OSBPL9: variants seen among roughly 807,000 people sequenced by gnomAD.
OSBPL9 encodes the protein oxysterol binding protein like 9.
A neutral mutation model predicts 106.6 loss-of-function variants in OSBPL9; 40 were observed. That is an observed-to-expected ratio of 0.38 (90% confidence interval 0.29 to 0.49). OSBPL9 has a LOEUF of 0.49. Ranked by LOEUF, OSBPL9 falls within the 20% of genes least tolerant of loss-of-function variation. The pLI, the probability that OSBPL9 is intolerant of heterozygous loss-of-function variation, is 0.97. For missense variants in OSBPL9, 609 were observed against 887.2 expected (o/e 0.69, Z 3.98); for synonymous variants, 269 against 295.4 (o/e 0.91, Z 0.92).
chr1:51,703,830 G>A (rs1053025326), intron 3 of OSBPL9, among the ~76,000 whole-genome samples: 1 of 152,304 alleles, frequency 6.6e-6, no homozygotes, highest in South Asian at 2.1e-4. Context: ...AATTTATTGA[G>A]AGTTTTTAGC....
At chr1:51,664,649 G>C (rs1557659427) in intron 2 of OSBPL9, among the ~76,000 whole-genome samples, 1 of 152,128 alleles carries the variant, frequency 6.6e-6, no homozygotes, top group Non-Finnish European at 1.5e-5. Flanking sequence ...CTGAGATCAT[G>C]CCACTGCAGT....
intron 1 of OSBPL9, among the ~76,000 whole-genome samples, chr1:51,651,533 G>A (rs1201152942): frequency 6.6e-6 from 1 of 152,036 alleles, no homozygotes; most frequent in East Asian, 1.9e-4. Context: ...AACCCAGGAG[G>A]CGGAGGTTGC....
intron 4 of OSBPL9, among the ~76,000 whole-genome samples, chr1:51,726,016 A>T (rs577785772): frequency 5.4e-4 from 83 of 152,338 alleles, no homozygotes; most frequent in African/African-American, 1.7e-3. Context: ...TAACATAAAC[A>T]GTTGATTAAT....
chr1:51,772,699 T>G lies in OSBPL9; in HGVS notation c.1146T>G (p.Val382=). The change falls in exon 14 of 24, where the codon GTT becomes GTG. Residue 382 remains valine (V), a synonymous_variant. Transcript: ENST00000428468. ...TTATCATGCATCTCTTGTCGCAGGTTAGACTTGGAATGGATCTTACTAAGG... is the reference window on the plus strand; with the variant it reads ...TTATCATGCATCTCTTGTCGCAGGTGAGACTTGGAATGGATCTTACTAAGG... ...KSVIMHLLSQ[V]RLGMDLTKVV... The G allele has an allele frequency of 6.2e-7, 1 of 1,614,152 alleles. No homozygotes were observed. Among genetic ancestry groups the G allele is most frequent in the Non-Finnish European group, 8.5e-7 (1 of 1,180,000 alleles).
intron 3 of OSBPL9, among the ~76,000 whole-genome samples, chr1:51,696,478 A>G (rs566593125): frequency 6.6e-6 from 1 of 152,360 alleles, no homozygotes; most frequent in Non-Finnish European, 1.5e-5. Context: ...TCTCCAGCTT[A>G]AATCACTGCA....
the OSBPL9 span, among the ~76,000 whole-genome samples, chr1:51,543,705 G>C: frequency 6.6e-6 from 1 of 152,162 alleles, no homozygotes; most frequent in Non-Finnish European, 1.5e-5. Flanking sequence ...TCAACTTTGA[G>C]GCTCAGAGAG....
intron 3 of OSBPL9, among the ~76,000 whole-genome samples, chr1:51,674,427 C>T (rs986703894): frequency 1.3e-5 from 2 of 152,102 alleles, no homozygotes; most frequent in Non-Finnish European, 2.9e-5. Context: ...AGCCATTGTG[C>T]CTCACTGTCA....
At chr1:51,760,554 T>A in intron 9 of OSBPL9, 136 bp from the exon 10 acceptor site, 1 of 1,280,474 alleles carries the variant, frequency 7.8e-7, no homozygotes, top group Non-Finnish European at 1.1e-6. Flanking sequence ...AGGTGTTTCA[T>A]TCCCTCTTTT....
chr1:51,576,672 C>T (rs773547005), upstream of OSBPL9, among the ~76,000 whole-genome samples: 3 of 152,068 alleles, frequency 2.0e-5, no homozygotes, highest in Non-Finnish European at 4.4e-5. Flanking sequence ...GGACCACAAG[C>T]ATGCCACTAC....
rs1341788850 is a variant in OSBPL9, at chr1:51,788,854, C to A, written c.*1065C>A. On this transcript the variant is annotated 3_prime_UTR_variant, in exon 24 of 24. Transcript: ENST00000428468. The stretch of plus-strand genomic sequence containing the variant: ...TACAGAACTATATCTATCTATCTAT[C>A]TATCATCTTTTTTATTTAAAAATAC... Among the ~76,000 whole-genome samples the A allele has an allele frequency of 1.3e-5, 2 of 151,378 alleles. No homozygotes were observed. The highest frequency in any genetic ancestry group is 4.9e-5 in the African/African-American group (2 of 40,864).
the OSBPL9 span, among the ~76,000 whole-genome samples, chr1:51,533,319 TA>T: frequency 6.6e-6 from 1 of 150,738 alleles, no homozygotes; most frequent in Non-Finnish European, 1.5e-5. Flanking sequence ...CCATCTCTAC[TA>T]AAAAAAATAC....
intron 11 of OSBPL9, among the ~76,000 whole-genome samples, chr1:51,764,902 C>G (rs1047395075): frequency 6.6e-6 from 1 of 152,160 alleles, no homozygotes; most frequent in Non-Finnish European, 1.5e-5. Flanking sequence ...ATTTTTATTG[C>G]TGTCTTCAAT....
chr1:51,519,221 G>T, the OSBPL9 span: 1 of 1,393,368 alleles, frequency 7.2e-7, no homozygotes, highest in Non-Finnish European at 9.4e-7. Context: ...GAGCTGGGCC[G>T]CCGCAGCCAT....
In OSBPL9 at chr1:51,729,807, TG is replaced by T. The variant is rs910079155; in HGVS notation, c.319-15723del. The stretch of plus-strand genomic sequence containing the variant: ...CGCCGGGGAGGGGACGGGAAAGGGG[TG>T]GGGGGTGAAGGGGGTGAAGGGGGTG... On this transcript the variant is annotated intron_variant, in intron 4 of 23. Coordinates refer to ENST00000428468, the MANE Select transcript of OSBPL9 (RefSeq NM_024586.6). This position sits in a 1 kb window ranked among gnomAD's most constrained non-coding sequence, Gnocchi z 5.1. 2 of 1,041,768 alleles carry T rather than the reference TG, an allele frequency of 1.9e-6. No individual in the cohort carries two copies. Among genetic ancestry groups the T allele is most frequent in the East Asian group, 3.5e-5 (1 of 28,638 alleles). 64.5% of individuals were successfully genotyped at this position (1,041,768 alleles called of 1,614,324 possible). A position where few individuals can be genotyped will look rare whatever the true frequency, so the allele number is the denominator to read the frequency against.
At chr1:51,773,940 G>A (rs1009409004) in intron 14 of OSBPL9, among the ~76,000 whole-genome samples, 4 of 84,524 alleles carry the variant, frequency 4.7e-5, no homozygotes, top group Non-Finnish European at 9.7e-5. Context: ...ACAGCTGCTG[G>A]CGTTGTTGTT....
chr1:51,555,672 A>G, the OSBPL9 span, among the ~76,000 whole-genome samples: 1 of 151,882 alleles, frequency 6.6e-6, no homozygotes, highest in Non-Finnish European at 1.5e-5. Context: ...GGTTCAAGTG[A>G]TTCTCCTGCC....
rs183642827 is a variant in OSBPL9, at chr1:51,644,230, A to G, written c.112-7761A>G. On this transcript the variant is annotated intron_variant, in intron 1 of 23. Coordinates refer to ENST00000428468, the MANE Select transcript of OSBPL9 (RefSeq NM_024586.6). The stretch of plus-strand genomic sequence containing the variant: ...TTTTTCCCTTATGACCTCATGAAAG[A>G]AGATTTGAGAGCTTTTATGAGACAG... Among the ~76,000 whole-genome samples the G allele has an allele frequency of 5.0e-3, 765 of 152,168 alleles. 4 individuals are homozygous for G. Among genetic ancestry groups the G allele is most frequent in the Non-Finnish European group, 6.3e-3 (425 of 67,970 alleles).
chr1:51,641,474 G>T (rs1645789463), intron 1 of OSBPL9, among the ~76,000 whole-genome samples: 4 of 152,186 alleles, frequency 2.6e-5, no homozygotes, highest in Admixed American at 2.6e-4. Context: ...GTAAGCCATA[G>T]AAGGATATTT....
At chr1:51,639,368 A>G (rs1479197583) in intron 1 of OSBPL9, among the ~76,000 whole-genome samples, 1 of 152,222 alleles carries the variant, frequency 6.6e-6, no homozygotes, top group African/African-American at 2.4e-5. Flanking sequence ...ATGAACTAAC[A>G]TGTCTCTCAA....
Sources: allele counts gnomAD v4.1 joint callset (sites outside exome capture counted in the v4.1 genomes callset), GRCh38; gene constraint gnomAD v4.1.1; non-coding constraint Gnocchi (gnomAD v3.1); transcripts MANE v1.5; gene names NCBI Gene and HGNC (gene_info 2026-07-23, HGNC 2026-07-21).